SH3PXD2B: variants seen among roughly 807,000 people sequenced by gnomAD.
SH3PXD2B encodes the protein SH3 and PX domain-containing protein 2B.
SH3PXD2B carries 37 observed loss-of-function variants against 73.1 expected under a neutral mutation model. The observed-to-expected ratio is 0.51, with a 90% CI of 0.39 to 0.67. The LOEUF (loss-of-function observed/expected upper bound fraction) is 0.67. SH3PXD2B is among the 30% of genes least tolerant of loss of function. The probability of loss-of-function intolerance (pLI) is 0.00; values close to 1 mark genes in which losing one functional copy is unlikely to be tolerated. For synonymous variants in SH3PXD2B, 457 were observed against 480.5 expected (o/e 0.95, Z 0.64); for missense variants, 1,053 against 1,197.8 (o/e 0.88, Z 1.78).
chr5:172,406,828 T>C (rs116357086), intron 2 of SH3PXD2B, among the ~76,000 whole-genome samples: 1 of 152,326 alleles, frequency 6.6e-6, no homozygotes, highest in African/African-American at 2.4e-5. Flanking sequence ...GCTTTGGGCC[T>C]GGCTCTGTGC....
chr5:172,346,282 G>A (rs1756997251), intron 11 of SH3PXD2B, 21 bp from the exon 12 acceptor site: 2 of 1,613,282 alleles, frequency 1.2e-6, no homozygotes, highest in Non-Finnish European at 1.7e-6. Flanking sequence ...CACACACAGG[G>A]TTATCTCCAA....
chr5:172,356,624 A>C (rs1757283313), intron 8 of SH3PXD2B: 1 of 152,318 alleles, frequency 6.6e-6, no homozygotes, highest in Non-Finnish European at 1.5e-5. Context: ...CAGAGCAGGG[A>C]GGCTCATGCA....
intron 1 of SH3PXD2B, among the ~76,000 whole-genome samples, chr5:172,423,852 A>G (rs553170400): frequency 1.3e-5 from 2 of 152,216 alleles, no homozygotes; most frequent in East Asian, 3.9e-4. Context: ...CATGTTGCTC[A>G]GGCTGGTCTC....
In SH3PXD2B at chr5:172,346,258, G is replaced by C. The variant is rs1756996224; in HGVS notation, c.1066C>G (p.Arg356Gly). Reference sequence around the variant, plus strand: ...GGCGGCTTCGGCAGGTTGAGGCCTCGAGGCTGGTACGATCACACACAGGGT... The same window carrying C: ...GGCGGCTTCGGCAGGTTGAGGCCTCCAGGCTGGTACGATCACACACAGGGT... ...PPPRRDMTIPRGLNLPKPPIP... is the reference protein window; with the variant it reads ...PPPRRDMTIPGGLNLPKPPIP... Residue 356 changes from arginine (R) to glycine (G), a missense_variant, in exon 12 of 13, where the codon CGA (arginine) becomes GGA (glycine). This residue lies in a region of SH3PXD2B where 466 missense variants were observed against 607.1 expected (regional missense o/e 0.77). Coordinates refer to ENST00000311601, the MANE Select transcript of SH3PXD2B (RefSeq NM_001017995.3). 1 of 1,613,656 alleles carries C rather than the reference G, an allele frequency of 6.2e-7. No individual in the cohort carries two copies. The highest frequency in any genetic ancestry group is 1.1e-5 in the South Asian group (1 of 91,078).
rs1756686435 is a variant in SH3PXD2B at position 172,336,207 on chromosome 5, G to GT, written c.*2161dup. 9 of 985,518 alleles carry GT rather than the reference G, an allele frequency of 9.1e-6. No homozygotes were observed. In the South Asian group the frequency reaches 4.2e-4, roughly 46 times the overall value. 61.0% of individuals were successfully genotyped at this position (985,518 alleles called of 1,614,324 possible). A position where few individuals can be genotyped will look rare whatever the true frequency, so the allele number is the denominator to read the frequency against. Reference sequence around the variant, plus strand: ...CAAAGAGCAAATCAGAAAAAAACATGTGTTTTGTCTTTTGAAATGCAGTCA... The same window carrying GT: ...CAAAGAGCAAATCAGAAAAAAACATGTTGTTTTGTCTTTTGAAATGCAGTCA... On this transcript the variant is annotated 3_prime_UTR_variant, in exon 13 of 13. Coordinates refer to ENST00000311601, the MANE Select transcript of SH3PXD2B (RefSeq NM_001017995.3).
At chr5:172,436,049 G>A (rs564345909) in intron 1 of SH3PXD2B, among the ~76,000 whole-genome samples, 1 of 152,356 alleles carries the variant, frequency 6.6e-6, no homozygotes, top group South Asian at 2.1e-4. Flanking sequence ...TGGCCAAGAG[G>A]TGCAGTGACT....
At chr5:172,332,125 A>G (rs1304602787), downstream of SH3PXD2B, among the ~76,000 whole-genome samples, 1 of 152,088 alleles carries the variant, frequency 6.6e-6, no homozygotes, top group Non-Finnish European at 1.5e-5. Flanking sequence ...CATGAGGCGG[A>G]TGCCCCTCCA....
chr5:172,375,426 A>G (rs1757802136), intron 5 of SH3PXD2B, among the ~76,000 whole-genome samples: 1 of 152,182 alleles, frequency 6.6e-6, no homozygotes, highest in African/African-American at 2.4e-5. Context: ...GGTTTTTAGT[A>G]TATTCACAAG....
intron 1 of SH3PXD2B, 98 bp downstream of exon 1, chr5:172,454,180 G>A: frequency 9.0e-6 from 9 of 1,004,884 alleles, no homozygotes; most frequent in Non-Finnish European, 1.3e-5. Flanking sequence ...AGGAGGGGAC[G>A]GGAAGCGCTG....
chr5:172,441,379 C>T (rs1047980759), intron 1 of SH3PXD2B, among the ~76,000 whole-genome samples: 5 of 152,324 alleles, frequency 3.3e-5, no homozygotes, highest in African/African-American at 4.8e-5. Flanking sequence ...GCCAGCAGGG[C>T]GTTATCACAT....
In SH3PXD2B at chr5:172,335,841, G is replaced by A; in HGVS notation, c.*2528C>T. Reference sequence around the variant, plus strand: ...AGGAGCTGGATACAGACGTCCTCAGGCCATAGATATGACTCAAGGAGAGAA... The same window carrying A: ...AGGAGCTGGATACAGACGTCCTCAGACCATAGATATGACTCAAGGAGAGAA... On this transcript the variant is annotated 3_prime_UTR_variant, in exon 13 of 13. Coordinates refer to ENST00000311601, the MANE Select transcript of SH3PXD2B (RefSeq NM_001017995.3). The A allele has an allele frequency of 8.1e-7, 1 of 1,227,940 alleles. No individual in the cohort carries two copies. Among genetic ancestry groups the A allele is most frequent in the Non-Finnish European group, 1.0e-6 (1 of 986,168 alleles). The allele number at this position is 1,227,940 out of a possible 1,614,324, so 76.1% of individuals were successfully genotyped here.
chr5:172,340,636 C>T (rs945872515), intron 12 of SH3PXD2B, among the ~76,000 whole-genome samples: 1 of 152,136 alleles, frequency 6.6e-6, no homozygotes, highest in African/African-American at 2.4e-5. Context: ...GCTCTGTCAC[C>T]CAGGCTGAAG....
Position 172,422,473 on chromosome 5 carries a change from C to T in SH3PXD2B, c.99G>A (p.Trp33Ter). 3 of 1,612,000 alleles carry T rather than the reference C, an allele frequency of 1.9e-6. No homozygotes were observed. Among genetic ancestry groups the T allele is most frequent in the Non-Finnish European group, 2.5e-6 (3 of 1,179,580 alleles). Reference protein sequence around the residue: ...KHYVYIIRVTWSSGSTEAIYR... With the variant: ...KHYVYIIRVT ...AAATGGCCTCGGTGGAGCCGCTGGACCACGTGACCCGGATGATGTAGACCT... is the reference window on the plus strand; with the variant it reads ...AAATGGCCTCGGTGGAGCCGCTGGATCACGTGACCCGGATGATGTAGACCT... The change falls in exon 2 of 13, where the codon TGG (tryptophan) becomes TGA (stop). Residue 33 changes from tryptophan (W) to a stop codon, truncating the protein, a stop_gained. Transcript: ENST00000311601. LOFTEE classifies it high-confidence loss of function.
rs182947990 is a variant in SH3PXD2B at position 172,427,694 on chromosome 5, T to C, written c.76-5198A>G. 2.7e-3 allele frequency among the ~76,000 whole-genome samples: 415 copies of C among 151,866 alleles called. 2 individuals are homozygous for C. The highest frequency in any genetic ancestry group is 7.6e-3 in the Admixed American group (116 of 15,254). ...GGTGCAGAGTTTCAGTCTAGGGAGA[T>C]GAAAAAAGTTCTGGCGATGGATGGT... On this transcript the variant is annotated intron_variant, in intron 1 of 12. Coordinates refer to ENST00000311601, the MANE Select transcript of SH3PXD2B (RefSeq NM_001017995.3).
At chr5:172,409,697 ATTTTCT>A (rs1480176277) in intron 2 of SH3PXD2B, among the ~76,000 whole-genome samples, 9 of 151,912 alleles carry the variant, frequency 5.9e-5, no homozygotes, top group South Asian at 4.2e-4. Context: ...TGCATACCAC[ATTTTCT>A]TTTTCTTTTT....
In SH3PXD2B at chr5:172,338,133, G is replaced by C; in HGVS notation, c.*236C>G. 2 of 1,429,552 alleles carry C rather than the reference G, an allele frequency of 1.4e-6. No homozygotes were observed. The highest frequency in any genetic ancestry group is 9.1e-7 in the Non-Finnish European group (1 of 1,097,622). 88.6% of individuals were successfully genotyped at this position (1,429,552 alleles called of 1,614,324 possible). ...TAAGGCAGGGATGCTGACATGGACA[G>C]AAAGCAAAGGCTGTGGGTTCTGAGC... On this transcript the variant is annotated 3_prime_UTR_variant, in exon 13 of 13. Transcript: ENST00000311601. This position sits in a 1 kb window ranked among gnomAD's most constrained non-coding sequence, Gnocchi z 5.1.
chr5:172,336,322 AC>A lies in SH3PXD2B; in HGVS notation c.*2046del. ...ATGGGGCCTCCTCTCAAGGGAGGGG[AC>A]CCTCAAGCGGTGGCGGCCCTTCCCC... is the stretch of plus-strand genomic sequence containing the variant. On this transcript the variant is annotated 3_prime_UTR_variant, in exon 13 of 13. Coordinates refer to ENST00000311601, the MANE Select transcript of SH3PXD2B (RefSeq NM_001017995.3). 2.0e-6 allele frequency: 2 copies of A among 985,560 alleles called. No homozygotes were observed. Among genetic ancestry groups the A allele is most frequent in the Non-Finnish European group, 2.4e-6 (2 of 829,970 alleles). 61.1% of individuals were successfully genotyped at this position (985,560 alleles called of 1,614,324 possible).
At chr5:172,450,561 T>C (rs1759772367) in intron 1 of SH3PXD2B, among the ~76,000 whole-genome samples, 1 of 152,070 alleles carries the variant, frequency 6.6e-6, no homozygotes. Context: ...CGAGGACACT[T>C]TGACCACTGT....
At chr5:172,432,902 ACT>A (rs1759281100) in intron 1 of SH3PXD2B, among the ~76,000 whole-genome samples, 2 of 105,720 alleles carry the variant, frequency 1.9e-5, no homozygotes, top group Non-Finnish European at 1.8e-5. Flanking sequence ...CAAGAGTGAA[ACT>A]CTGTCTGTCT....
Sources: allele counts gnomAD v4.1 joint callset (sites outside exome capture counted in the v4.1 genomes callset), GRCh38; gene constraint gnomAD v4.1.1; regional missense constraint gnomAD v4.1.1; non-coding constraint Gnocchi (gnomAD v3.1); transcripts MANE v1.5; gene names NCBI Gene and HGNC (gene_info 2026-07-23, HGNC 2026-07-21).